PYHIN1: variants seen among roughly 807,000 people sequenced by gnomAD.
PYHIN1 encodes the protein pyrin and HIN domain family member 1, also known as pyrin and HIN domain-containing protein 1.
Under a neutral mutation model 43.7 loss-of-function variants are expected in PYHIN1, and 32 were observed. That is an observed-to-expected ratio of 0.73 (90% CI 0.55 to 0.98). The LOEUF is 0.98. PYHIN1 is among the 50% of genes least tolerant of loss of function. The pLI is 0.00. For synonymous variants in PYHIN1, 205 were observed against 203.1 expected, an observed-to-expected ratio of 1.01 and a Z score of -0.08; for missense variants, 588 against 589.5, an observed-to-expected ratio of 1.00 and a Z score of 0.03.
chr1:158,954,636 G>A (rs970877681), intron 7 of PYHIN1, among the ~76,000 whole-genome samples: 18 of 147,648 alleles, frequency 1.2e-4, no homozygotes, highest in South Asian at 4.4e-4. Context: ...GGTACCAGCC[G>A]CTGCAAAATC....
downstream of PYHIN1, among the ~76,000 whole-genome samples, chr1:158,978,094 A>G (rs1395211984): frequency 1.3e-5 from 2 of 152,166 alleles, no homozygotes; most frequent in African/African-American, 2.4e-5. Flanking sequence ...GTTTGGACCA[A>G]CAATCCAAGG....
At chr1:158,939,450 G>A (rs931662819) in intron 4 of PYHIN1, 3 of 1,551,730 alleles carry the variant, frequency 1.9e-6, no homozygotes, top group Non-Finnish European at 1.7e-6. Flanking sequence ...GAAGTTTTCT[G>A]TCCTGTGCTG....
At chr1:158,979,189 TCAAGTTTA>T (rs1406480027), downstream of PYHIN1, among the ~76,000 whole-genome samples, 1 of 152,184 alleles carries the variant, frequency 6.6e-6, no homozygotes, top group Non-Finnish European at 1.5e-5. Flanking sequence ...TTAACAAATT[TCAAGTTTA>T]CAATACAGTA....
At chr1:158,949,717 AT>A (rs1288461209) in intron 7 of PYHIN1, among the ~76,000 whole-genome samples, 27 of 152,050 alleles carry the variant, frequency 1.8e-4, no homozygotes, top group Non-Finnish European at 3.7e-4. Context: ...TGAACTCATC[AT>A]TTTTTATGGC....
chr1:158,971,867 C>G (rs755116232), intron 7 of PYHIN1, among the ~76,000 whole-genome samples: 30 of 151,710 alleles, frequency 2.0e-4, no homozygotes, highest in African/African-American at 7.0e-4. Context: ...AAACGAAGGC[C>G]AAAATGCCAT....
At chr1:158,960,524 C>A (rs533936401) in intron 7 of PYHIN1, among the ~76,000 whole-genome samples, 2 of 152,302 alleles carry the variant, frequency 1.3e-5, no homozygotes, top group South Asian at 2.1e-4. Flanking sequence ...GCCATTTATT[C>A]TTGGGTGTCC....
At chr1:158,963,192 G>A (rs1354767735) in intron 7 of PYHIN1, among the ~76,000 whole-genome samples, 1 of 152,146 alleles carries the variant, frequency 6.6e-6, no homozygotes, top group African/African-American at 2.4e-5. Context: ...CAGTGGTACT[G>A]CCCTGCTGCC....
Position 158,942,324 on chromosome 1 carries a change from G to C in PYHIN1, c.927G>C (p.Lys309Asn). Residue 309 changes from lysine (K) to asparagine (N), a missense_variant, in exon 5 of 9, where the codon AAG becomes AAC. Coordinates refer to ENST00000368140, the MANE Select transcript of PYHIN1 (RefSeq NM_152501.5). ...EVPKDIIRRA[K>N]KIPKINILHK... ...CAAAGGACATCATCAGAAGAGCAAA[G>C]AAAATTCCGAAGATCAATATTCTTC... 1 of 1,613,130 alleles carries C rather than the reference G, an allele frequency of 6.2e-7. No individual in the cohort carries two copies.
At chr1:158,984,616 A>T in the PYHIN1 span, among the ~76,000 whole-genome samples, 6 of 152,160 alleles carry the variant, frequency 3.9e-5, no homozygotes, top group African/African-American at 1.4e-4. Context: ...GATGAGAAGA[A>T]TGTATATTCT....
intron 2 of PYHIN1, among the ~76,000 whole-genome samples, 154 bp from the exon 3 acceptor site, chr1:158,938,242 GC>G (rs1359254175): frequency 2.6e-5 from 4 of 152,146 alleles, no homozygotes; most frequent in Non-Finnish European, 5.9e-5. Flanking sequence ...TCTCCTGCTG[GC>G]CTCCTGGAAG....
intron 8 of PYHIN1, among the ~76,000 whole-genome samples, chr1:158,976,238 A>G (rs1651248135): frequency 6.6e-6 from 1 of 152,146 alleles, no homozygotes; most frequent in African/African-American, 2.4e-5. Context: ...AATAAAGGCT[A>G]ACACATTCAG....
chr1:158,945,119 C>G (rs1328798990), intron 7 of PYHIN1, 77 bp downstream of exon 7: 6 of 1,388,926 alleles, frequency 4.3e-6, no homozygotes, highest in African/African-American at 2.9e-5. Flanking sequence ...GAAAGAGTTT[C>G]TCTTCTAATC....
chr1:158,982,276 A>G, the PYHIN1 span, among the ~76,000 whole-genome samples: 1 of 151,944 alleles, frequency 6.6e-6, no homozygotes, highest in African/African-American at 2.4e-5. Flanking sequence ...TAGGTTTTAC[A>G]TATATAAGTT....
chr1:158,938,016 T>G (rs949807810), intron 2 of PYHIN1, among the ~76,000 whole-genome samples: 1 of 152,184 alleles, frequency 6.6e-6, no homozygotes, highest in Non-Finnish European at 1.5e-5. Context: ...ACATCTCCTT[T>G]CACTAGTTTC....
downstream of PYHIN1, among the ~76,000 whole-genome samples, chr1:158,979,774 T>TAA (rs994697322): frequency 1.3e-5 from 2 of 152,180 alleles, no homozygotes; most frequent in Non-Finnish European, 2.9e-5. Flanking sequence ...TGTGCAGGTT[T>TAA]GTTACATCAA....
chr1:158,978,238 T>C (rs1651360916), downstream of PYHIN1, among the ~76,000 whole-genome samples: 1 of 152,032 alleles, frequency 6.6e-6, no homozygotes, highest in South Asian at 2.1e-4. Flanking sequence ...TTGCCAAATA[T>C]CATTGCTAAT....
intron 7 of PYHIN1, among the ~76,000 whole-genome samples, chr1:158,962,320 G>T (rs1348952013): frequency 6.6e-6 from 1 of 152,158 alleles, no homozygotes; most frequent in Non-Finnish European, 1.5e-5. Context: ...TAGAGGGAAA[G>T]GTAGGCTGCC....
At chr1:158,945,691 T>A (rs1295531601) in intron 7 of PYHIN1, among the ~76,000 whole-genome samples, 2 of 152,228 alleles carry the variant, frequency 1.3e-5, no homozygotes, top group Non-Finnish European at 1.5e-5. Flanking sequence ...TTTCCATACT[T>A]CCTTGATCTG....
At chr1:158,958,911 CTG>C (rs1650153540) in intron 7 of PYHIN1, among the ~76,000 whole-genome samples, 1 of 151,040 alleles carries the variant, frequency 6.6e-6, no homozygotes, top group Admixed American at 6.6e-5. Context: ...GCCTGTGAAA[CTG>C]AGGCTCCGCT....
Sources: gnomAD v4.1 joint callset for allele counts (sites outside exome capture counted in the v4.1 genomes callset) on GRCh38, gnomAD v4.1.1 for gene constraint, MANE v1.5 for transcripts, NCBI Gene and HGNC (gene_info 2026-07-23, HGNC 2026-07-21) for gene names.